Variants in CSNK2A1 observed in about 807,000 individuals in gnomAD.
The protein encoded by CSNK2A1 is casein kinase 2 alpha 1.
In CSNK2A1, 10 loss-of-function variants were observed where a neutral mutation model predicts 62.9. That is an observed-to-expected ratio of 0.16 (90% CI 0.10 to 0.27). The LOEUF is 0.27. Ranked by LOEUF, CSNK2A1 falls within the 10% of genes least tolerant of loss-of-function variation. The probability of loss-of-function intolerance (pLI) is 1.00; values close to 1 mark genes in which losing one functional copy is unlikely to be tolerated. For synonymous variants in CSNK2A1, 124 were observed against 167.8 expected (o/e 0.74, Z 2.02); for missense variants, 160 against 492.0 (o/e 0.33, Z 6.38).
rs138993429 is a variant in CSNK2A1, at chr20:514,527, C to T, written c.-109-5867G>A. ...GCTCGGCTCACTGAAACCTCCACCT[C>T]ATCTCCTGGGCTTGAGCAATCCTCC... is the stretch of plus-strand genomic sequence containing the variant. On this transcript the variant is annotated intron_variant, in intron 2 of 13. Coordinates refer to ENST00000217244, the MANE Select transcript of CSNK2A1 (RefSeq NM_177559.3). Among the ~76,000 whole-genome samples, 1,297 of 152,102 alleles carry T rather than the reference C, an allele frequency of 8.5e-3. 22 individuals carry two copies. The highest frequency in any genetic ancestry group is 0.029 in the African/African-American group (1,220 of 41,504).
rs1347097170 is a variant in CSNK2A1 at position 474,893 on chromosome 20, T to C, written c.*9068A>G. ...ATAACTTTTCCCATTCCTGCTGAGT[T>C]AATACTTTTTTGGCTTGTCTTACTC... is the stretch of plus-strand genomic sequence containing the variant. On this transcript the variant is annotated 3_prime_UTR_variant, in exon 14 of 14. Coordinates refer to ENST00000217244, the MANE Select transcript of CSNK2A1 (RefSeq NM_177559.3). The C allele has an allele frequency of 6.6e-6, 1 of 152,118 alleles. No individual in the cohort carries two copies. The highest frequency in any genetic ancestry group is 2.4e-5 in the African/African-American group (1 of 41,354). 9.4% of individuals were successfully genotyped at this position (152,118 alleles called of 1,614,324 possible). A position where few individuals can be genotyped will look rare whatever the true frequency, so the allele number is the denominator to read the frequency against.
At chr20:521,628 A>G (rs866679845) in intron 2 of CSNK2A1, among the ~76,000 whole-genome samples, 1 of 152,258 alleles carries the variant, frequency 6.6e-6, no homozygotes, top group African/African-American at 2.4e-5. Flanking sequence ...AGCTTTATTC[A>G]TAATTGTGAA....
Position 530,337 on chromosome 20 carries a change from G to T in CSNK2A1, c.-226-2288C>A, listed in dbSNP as rs1051784600. On this transcript the variant is annotated intron_variant, in intron 1 of 13. Transcript: ENST00000217244. ...CAGTAATTCATTTCCTTTTACAGCT[G>T]AATTCACTGTATAAATACATCACAT... Among the ~76,000 whole-genome samples the T allele has an allele frequency of 3.0e-4, 45 of 152,046 alleles. 1 individual carries two copies. The highest frequency in any genetic ancestry group is 1.0e-3 in the African/African-American group (42 of 41,378).
intron 4 of CSNK2A1, chr20:504,766 T>A (rs1298179415): frequency 4.5e-6 from 1 of 222,166 alleles, no homozygotes; most frequent in African/African-American, 2.3e-5. Flanking sequence ...TGACTCCTCA[T>A]CTTTACAAAG....
intron 1 of CSNK2A1, among the ~76,000 whole-genome samples, chr20:538,562 A>G (rs548681647): frequency 6.6e-6 from 1 of 152,356 alleles, no homozygotes; most frequent in South Asian, 2.1e-4. Context: ...ACTTTAAAGA[A>G]CAAAAAGAAA....
In CSNK2A1 at chr20:474,517, T is replaced by A. The variant is rs1481987184; in HGVS notation, c.*9444A>T. 6.6e-6 allele frequency: 1 copy of A among 152,182 alleles called. No individual in the cohort carries two copies. The highest frequency in any genetic ancestry group is 6.5e-5 in the Admixed American group (1 of 15,282). The allele number at this position is 152,182 out of a possible 1,614,324, so 9.4% of individuals were successfully genotyped here. A position where few individuals can be genotyped will look rare whatever the true frequency, so the allele number is the denominator to read the frequency against. On this transcript the variant is annotated 3_prime_UTR_variant, in exon 14 of 14. Coordinates refer to ENST00000217244, the MANE Select transcript of CSNK2A1 (RefSeq NM_177559.3). ...GAAGTGGATGCATTCAAGATAAATA[T>A]CCATTTATTAAAAGTAGTTGCTTTT...
At chr20:534,171 C>A (rs941535954) in intron 1 of CSNK2A1, among the ~76,000 whole-genome samples, 6 of 152,186 alleles carry the variant, frequency 3.9e-5, no homozygotes, top group Admixed American at 3.9e-4. Context: ...GTTAAATAAT[C>A]TGCCAAAAAC....
At chr20:515,356 T>C (rs544043090) in intron 2 of CSNK2A1, among the ~76,000 whole-genome samples, 2 of 152,374 alleles carry the variant, frequency 1.3e-5, no homozygotes, top group Admixed American at 6.5e-5. Context: ...AAAATGGCTT[T>C]GAATCATTCA....
chr20:530,278 A>T, intron 1 of CSNK2A1, among the ~76,000 whole-genome samples: 1 of 152,188 alleles, frequency 6.6e-6, no homozygotes, highest in East Asian at 1.9e-4. Flanking sequence ...ACTTAGCAAA[A>T]TGTCTACAAG....
intron 11 of CSNK2A1, 68 bp from the exon 12 acceptor site, chr20:487,643 C>T: frequency 6.2e-7 from 1 of 1,605,990 alleles, no homozygotes; most frequent in Non-Finnish European, 8.5e-7. Flanking sequence ...TTCATTCCTA[C>T]ATTTTTCTTA....
intron 3 of CSNK2A1, chr20:506,112 G>C (rs918345848): frequency 6.6e-6 from 1 of 151,996 alleles, no homozygotes; most frequent in Non-Finnish European, 1.5e-5. Flanking sequence ...TCCTGACCTT[G>C]TGATCCGCCC....
At chr20:505,704 G>A (rs1309998745) in intron 3 of CSNK2A1, among the ~76,000 whole-genome samples, 10 of 148,612 alleles carry the variant, frequency 6.7e-5, no homozygotes, top group South Asian at 6.4e-4. Context: ...ATTAAAATAC[G>A]TGTGTTTCAA....
chr20:530,911 C>G (rs1168770648), intron 1 of CSNK2A1, among the ~76,000 whole-genome samples: 2 of 151,928 alleles, frequency 1.3e-5, no homozygotes, highest in Non-Finnish European at 2.9e-5. Flanking sequence ...ATGATGAAAC[C>G]CCATTTGTAC....
rs866295488 is a variant in CSNK2A1 at position 485,117 on chromosome 20, T to A, written c.1061-1041A>T. 1.8e-3 allele frequency among the ~76,000 whole-genome samples: 121 copies of A among 68,756 alleles called. 1 individual carries two copies. The highest frequency in any genetic ancestry group is 2.5e-3 in the Non-Finnish European group (94 of 37,436). The allele number at this position is 68,756 out of a possible 152,430, so 45.1% of individuals were successfully genotyped here. A position where few individuals can be genotyped will look rare whatever the true frequency, so the allele number is the denominator to read the frequency against. ...AAAAAAAAAAAAAAAAAAATATATA[T>A]ATATATATATATATATATATGAGAA... On this transcript the variant is annotated intron_variant, in intron 13 of 13. Transcript: ENST00000217244.
intron 1 of CSNK2A1, among the ~76,000 whole-genome samples, chr20:541,969 TGGTACTGGAC>T (rs1310552551): frequency 6.6e-6 from 1 of 152,180 alleles, no homozygotes; most frequent in African/African-American, 2.4e-5. Flanking sequence ...GAACTAGTAT[TGGTACTGGAC>T]TTTCAGCCCC....
chr20:499,109 G>C lies in CSNK2A1; in HGVS notation c.366+146C>G. 1.9e-6 allele frequency: 1 copy of C among 529,932 alleles called. No homozygotes were observed. The highest frequency in any genetic ancestry group is 3.1e-6 in the Non-Finnish European group (1 of 322,176). The allele number at this position is 529,932 out of a possible 1,614,324, so 32.8% of individuals were successfully genotyped here. The stretch of plus-strand genomic sequence containing the variant: ...GCAGAAAGTGGGCACTGCTTATATA[G>C]GAGTTCTTCTATCTTAAAATTTGCA... On this transcript the variant is annotated intron_variant, in intron 6 of 13. Coordinates refer to ENST00000217244, the MANE Select transcript of CSNK2A1 (RefSeq NM_177559.3). This position sits in a 1 kb window ranked among gnomAD's most constrained non-coding sequence, Gnocchi z 4.2.
chr20:487,208 G>T (rs1028891240), intron 12 of CSNK2A1: 30 of 623,366 alleles, frequency 4.8e-5, no homozygotes, highest in Middle Eastern at 4.4e-4. Context: ...AGTATGAAAA[G>T]AGTTTATTTA....
chr20:491,366 T>C (rs1007975677), intron 9 of CSNK2A1, among the ~76,000 whole-genome samples: 4 of 152,174 alleles, frequency 2.6e-5, no homozygotes, highest in South Asian at 4.1e-4. Context: ...ACTCTGAAGA[T>C]TGGTTAAACT....
intron 4 of CSNK2A1, chr20:501,974 C>T (rs1220326898): frequency 2.0e-5 from 3 of 152,144 alleles, no homozygotes; most frequent in African/African-American, 7.2e-5. Flanking sequence ...TTGTCTTAAG[C>T]CTCAAGCACA....
Sources: gnomAD v4.1 joint callset for allele counts (sites outside exome capture counted in the v4.1 genomes callset) on GRCh38, gnomAD v4.1.1 for gene constraint, Gnocchi (gnomAD v3.1) non-coding constraint, MANE v1.5 for transcripts, NCBI Gene and HGNC (gene_info 2026-07-23, HGNC 2026-07-21) for gene names.